Variants in TSHZ2 observed in about 807,000 individuals in gnomAD.
TSHZ2 encodes the protein teashirt homolog 2.
A neutral mutation model predicts 74.4 loss-of-function variants in TSHZ2; 21 were observed. The ratio of observed to expected loss-of-function variants is 0.28; its 90% CI spans 0.20 to 0.41. TSHZ2 has a LOEUF of 0.41. Among genes scored for constraint, TSHZ2 ranks in the 10% least tolerant of loss-of-function variants. TSHZ2 has a pLI of 1.00. For missense variants in TSHZ2, 1,244 were observed against 1,293.5 expected, an observed-to-expected ratio of 0.96 and a Z score of 0.59; for synonymous variants, 540 against 515.3, an observed-to-expected ratio of 1.05 and a Z score of -0.65.
At chr20:53,303,720 A>G (rs1456569841) in intron 2 of TSHZ2, among the ~76,000 whole-genome samples, 1 of 152,230 alleles carries the variant, frequency 6.6e-6, no homozygotes. Context: ...GTCTATGGAC[A>G]AGAGAAGCAG....
At chr20:53,163,651 G>A (rs1988000253) in intron 1 of TSHZ2, among the ~76,000 whole-genome samples, 1 of 151,934 alleles carries the variant, frequency 6.6e-6, no homozygotes, top group Non-Finnish European at 1.5e-5. Context: ...CTATCCTGTG[G>A]TTTGGTGAGA....
At chr20:53,374,178 T>G (rs1231037777) in intron 2 of TSHZ2, among the ~76,000 whole-genome samples, 1 of 152,146 alleles carries the variant, frequency 6.6e-6, no homozygotes, top group Non-Finnish European at 1.5e-5. Flanking sequence ...TATCTGTTAT[T>G]CCCTTCTTGG....
chr20:53,458,058 A>T (rs1411814192), intron 2 of TSHZ2, among the ~76,000 whole-genome samples: 2 of 152,124 alleles, frequency 1.3e-5, no homozygotes, highest in Admixed American at 1.3e-4. Context: ...TGGTATCAGA[A>T]TGATGCTGGC....
chr20:53,383,440 C>A (rs1981930785), intron 2 of TSHZ2, among the ~76,000 whole-genome samples: 1 of 151,938 alleles, frequency 6.6e-6, no homozygotes, highest in African/African-American at 2.4e-5. Context: ...TGGATAAATC[C>A]ATGACTTTTA....
intron 2 of TSHZ2, among the ~76,000 whole-genome samples, chr20:53,469,449 C>G (rs1477592925): frequency 2.0e-5 from 3 of 151,856 alleles, no homozygotes; most frequent in African/African-American, 7.3e-5. Context: ...GAGGCTGAGG[C>G]ATGAGAATCA....
intron 2 of TSHZ2, among the ~76,000 whole-genome samples, chr20:53,403,161 T>G (rs555806271): frequency 6.6e-6 from 1 of 152,316 alleles, no homozygotes; most frequent in South Asian, 2.1e-4. Context: ...GGATTTGGTT[T>G]TCCATTCCTT....
Position 53,253,785 on chromosome 20 carries a change from C to A in TSHZ2, c.327C>A (p.His109Gln). The change falls in exon 2 of 3, where the codon CAC (histidine) becomes CAA (glutamine). Residue 109 changes from histidine to glutamine, a missense_variant. By Grantham distance (24) the His-to-Gln change is conservative. Around this residue, in one of 6 missense-constraint regions of TSHZ2, gnomAD observed 470 missense variants for 456.5 expected, o/e 1.03. Coordinates refer to ENST00000371497, the MANE Select transcript of TSHZ2 (RefSeq NM_173485.6). ...CGRDASDKKA[H>Q]THVRLPNEAH... ...GAGATGCCTCAGACAAGAAAGCACA[C>A]ACTCACGTCAGGCTTCCAAACGAAG... 6.2e-7 allele frequency: 1 copy of A among 1,614,226 alleles called. No individual in the cohort carries two copies.
chr20:53,031,543 C>G (rs908561347), intron 1 of TSHZ2, among the ~76,000 whole-genome samples: 1 of 152,144 alleles, frequency 6.6e-6, no homozygotes, highest in Non-Finnish European at 1.5e-5. Context: ...TAGCATCTGA[C>G]TCCTGCGTGC....
intron 1 of TSHZ2, among the ~76,000 whole-genome samples, chr20:53,132,204 G>A (rs1376441438): frequency 6.6e-5 from 10 of 151,988 alleles, no homozygotes. Flanking sequence ...TCTATCTTTT[G>A]AGAACAGAGC....
At chr20:53,250,849 A>G (rs1990309912) in intron 1 of TSHZ2, among the ~76,000 whole-genome samples, 1 of 151,986 alleles carries the variant, frequency 6.6e-6, no homozygotes, top group East Asian at 1.9e-4. Flanking sequence ...AAAAAAAAAA[A>G]AAGAACACTT....
At chr20:53,103,410 C>T (rs1475830946) in intron 1 of TSHZ2, among the ~76,000 whole-genome samples, 1 of 152,222 alleles carries the variant, frequency 6.6e-6, no homozygotes, top group East Asian at 1.9e-4. Context: ...TTAAAATAAG[C>T]CAACTACCTA....
chr20:53,198,651 G>A (rs777047270), intron 1 of TSHZ2, among the ~76,000 whole-genome samples: 1 of 151,644 alleles, frequency 6.6e-6, no homozygotes, highest in Non-Finnish European at 1.5e-5. Flanking sequence ...AAAGCATATT[G>A]GAAATTATCC....
rs547532238 is a variant in TSHZ2 at position 53,185,326 on chromosome 20, A to G, written c.41-68173A>G. 4.5e-6 allele frequency: 5 copies of G among 1,109,590 alleles called. No individual in the cohort carries two copies. The African/African-American group carries it at 8.0e-5, about 18-fold the overall frequency. The allele number at this position is 1,109,590 out of a possible 1,614,324, so 68.7% of individuals were successfully genotyped here. A position where few individuals can be genotyped will look rare whatever the true frequency, so the allele number is the denominator to read the frequency against. ...CACCCGACATGTAGGCTCTATTGCA[A>G]TACATCTGAAAACACAAAATCTGTT... On this transcript the variant is annotated intron_variant, in intron 1 of 2. Coordinates refer to ENST00000371497, the MANE Select transcript of TSHZ2 (RefSeq NM_173485.6).
At chr20:53,128,591 A>T (rs1476581971) in intron 1 of TSHZ2, among the ~76,000 whole-genome samples, 1 of 151,662 alleles carries the variant, frequency 6.6e-6, no homozygotes, top group Admixed American at 6.6e-5. Flanking sequence ...TCGCTATATT[A>T]TTTCTTTATG....
intron 1 of TSHZ2, among the ~76,000 whole-genome samples, chr20:53,133,291 C>T (rs1987156556): frequency 6.6e-6 from 1 of 152,204 alleles, no homozygotes; most frequent in African/African-American, 2.4e-5. Context: ...CTGTTCCTTG[C>T]CTTTGATGTA....
chr20:53,362,882 A>C (rs1383531826), intron 2 of TSHZ2, among the ~76,000 whole-genome samples: 1 of 152,214 alleles, frequency 6.6e-6, no homozygotes, highest in Non-Finnish European at 1.5e-5. Context: ...TAGCCCACTC[A>C]TTCCTCTGAA....
At chr20:53,166,363 A>G (rs2123474977) in intron 1 of TSHZ2, among the ~76,000 whole-genome samples, 1 of 152,332 alleles carries the variant, frequency 6.6e-6, no homozygotes, top group South Asian at 2.1e-4. Context: ...TACACCTGTA[A>G]TCCCAACACT....
In TSHZ2 at chr20:53,194,749, C is replaced by A. The variant is rs1988820505; in HGVS notation, c.41-58750C>A. Among the ~76,000 whole-genome samples, 6 of 152,220 alleles carry A rather than the reference C, an allele frequency of 3.9e-5. No individual in the cohort carries two copies. The South Asian group carries it at 8.3e-4, about 21-fold the overall frequency. On this transcript the variant is annotated intron_variant, in intron 1 of 2. Coordinates refer to ENST00000371497, the MANE Select transcript of TSHZ2 (RefSeq NM_173485.6). ...AGGCCTGGGCCAGCTCCACCCAGCC[C>A]AGGCAGGAAGAGAAACTCGCTCCCG...
intron 2 of TSHZ2, among the ~76,000 whole-genome samples, chr20:53,444,422 G>A (rs1040531894): frequency 6.6e-5 from 10 of 152,088 alleles, no homozygotes; most frequent in Admixed American, 2.0e-4. Flanking sequence ...AGTGGGCACC[G>A]AGGGAACAGG....
Sources: gnomAD v4.1 joint callset for allele counts (sites outside exome capture counted in the v4.1 genomes callset) on GRCh38, gnomAD v4.1.1 for gene constraint, gnomAD v4.1.1 regional missense constraint, MANE v1.5 for transcripts, NCBI Gene and HGNC (gene_info 2026-07-23, HGNC 2026-07-21) for gene names.